Variants in ATXN7L1 observed in about 807,000 individuals in gnomAD.
The protein encoded by ATXN7L1 is ataxin-7-like protein 1.
In ATXN7L1, 15 loss-of-function variants were observed where a neutral mutation model predicts 70.8. That is an observed-to-expected ratio of 0.21 (90% CI 0.14 to 0.33). ATXN7L1 has a LOEUF of 0.33. Among genes scored for constraint, ATXN7L1 ranks in the 10% least tolerant of loss-of-function variants. The pLI, the probability that ATXN7L1 is intolerant of heterozygous loss-of-function variation, is 1.00. For missense variants in ATXN7L1, 975 were observed against 1,097.1 expected (o/e 0.89, Z 1.57); for synonymous variants, 440 against 445.1 (o/e 0.99, Z 0.14).
At chr7:105,853,333 G>A (rs922311918) in intron 2 of ATXN7L1, among the ~76,000 whole-genome samples, 9 of 150,514 alleles carry the variant, frequency 6.0e-5, no homozygotes, top group Non-Finnish European at 8.9e-5. Flanking sequence ...TAGATCACCT[G>A]ACTGAGGTCA....
chr7:105,832,905 A>G (rs546191675), intron 2 of ATXN7L1, among the ~76,000 whole-genome samples: 1 of 152,238 alleles, frequency 6.6e-6, no homozygotes, highest in South Asian at 2.1e-4. Flanking sequence ...ACAGCTGCTA[A>G]CCACATCCAT....
At chr7:105,829,604 A>G (rs1039654121) in intron 2 of ATXN7L1, among the ~76,000 whole-genome samples, 5 of 152,180 alleles carry the variant, frequency 3.3e-5, no homozygotes, top group African/African-American at 1.2e-4. Context: ...AAACACCCAC[A>G]AATATACACT....
intron 2 of ATXN7L1, among the ~76,000 whole-genome samples, chr7:105,837,740 C>G (rs954891170): frequency 6.6e-6 from 1 of 152,170 alleles, no homozygotes; most frequent in Non-Finnish European, 1.5e-5. Context: ...GCTTTACTGT[C>G]TCTGTGGAGG....
At chr7:105,672,648 C>A (rs1044594923) in intron 3 of ATXN7L1, among the ~76,000 whole-genome samples, 1 of 152,134 alleles carries the variant, frequency 6.6e-6, no homozygotes, top group South Asian at 2.1e-4. Context: ...GTTTTCAGAG[C>A]CCCTGTCTTA....
intron 4 of ATXN7L1, among the ~76,000 whole-genome samples, chr7:105,659,136 C>G (rs1263961093): frequency 6.7e-6 from 1 of 149,770 alleles, no homozygotes; most frequent in East Asian, 2.0e-4. Flanking sequence ...GACTCCGACT[C>G]AAAAAAAAAA....
Position 105,820,806 on chromosome 7 carries a change from G to C in ATXN7L1, c.251-32098C>G, listed in dbSNP as rs1378387085. Among the ~76,000 whole-genome samples the C allele has an allele frequency of 8.5e-5, 13 of 152,236 alleles. No homozygotes were observed. In the East Asian group the frequency reaches 2.3e-3, roughly 27 times the overall value. ...ATGAATGGTTTAGCACCATCGCCTT[G>C]GTGATAAGTGAGTTATCACTCAGTT... On this transcript the variant is annotated intron_variant, in intron 2 of 11. Transcript: ENST00000419735.
intron 2 of ATXN7L1, chr7:105,820,155 A>AAAAAAAAG (rs1314543607): frequency 3.6e-6 from 1 of 274,718 alleles, no homozygotes; most frequent in African/African-American, 2.4e-5. Context: ...AAAAAAAAAA[A>AAAAAAAAG]GCGTGGGCCT....
chr7:105,722,668 C>T (rs1231168175), intron 3 of ATXN7L1, among the ~76,000 whole-genome samples: 1 of 141,544 alleles, frequency 7.1e-6, no homozygotes, highest in Non-Finnish European at 1.5e-5. Context: ...TGCCTGAGGT[C>T]AGGAGTTCGA....
rs146545926 is a variant in ATXN7L1 at position 105,626,897 on chromosome 7, C to T, written c.1203-2630G>A. Among the ~76,000 whole-genome samples, 517 of 152,304 alleles carry T rather than the reference C, an allele frequency of 3.4e-3. 4 individuals carry two copies. The highest frequency in any genetic ancestry group is 0.012 in the African/African-American group (484 of 41,570). Reference sequence around the variant, plus strand: ...ATTTTAAAGCAAGAACTGGATCACACGATCACCCGGAACATGAAATGTGGG... The same window carrying T: ...ATTTTAAAGCAAGAACTGGATCACATGATCACCCGGAACATGAAATGTGGG... On this transcript the variant is annotated intron_variant, in intron 7 of 11. Coordinates refer to ENST00000419735, the MANE Select transcript of ATXN7L1 (RefSeq NM_020725.2).
chr7:105,808,741 T>G (rs1327409234), intron 2 of ATXN7L1, among the ~76,000 whole-genome samples: 1 of 152,234 alleles, frequency 6.6e-6, no homozygotes, highest in Non-Finnish European at 1.5e-5. Context: ...GACACAATTA[T>G]TTTTGCTGCT....
chr7:105,784,793 A>T (rs1202498490), intron 3 of ATXN7L1, among the ~76,000 whole-genome samples: 2 of 152,170 alleles, frequency 1.3e-5, no homozygotes, highest in Admixed American at 1.3e-4. Context: ...TTGCACAGTT[A>T]GTGGGGGAGT....
intron 8 of ATXN7L1, among the ~76,000 whole-genome samples, chr7:105,621,324 G>A (rs1214204069): frequency 6.6e-6 from 1 of 152,126 alleles, no homozygotes; most frequent in African/African-American, 2.4e-5. Context: ...TTCCCACTGT[G>A]AATTCCCATG....
intron 2 of ATXN7L1, among the ~76,000 whole-genome samples, chr7:105,857,111 CAATGCCCTG>C (rs1056071232): frequency 6.6e-6 from 1 of 152,184 alleles, no homozygotes; most frequent in Non-Finnish European, 1.5e-5. Flanking sequence ...CTTCCCTGTA[CAATGCCCTG>C]AATGTCCAAA....
intron 3 of ATXN7L1, among the ~76,000 whole-genome samples, chr7:105,764,100 C>T (rs770053288): frequency 7.2e-5 from 11 of 152,072 alleles, no homozygotes; most frequent in Admixed American, 2.6e-4. Context: ...GTGATCCACC[C>T]GCCTCAGCCT....
chr7:105,619,165 T>TTTTTTTTTTTTTTAA, intron 9 of ATXN7L1, among the ~76,000 whole-genome samples: 1 of 140,614 alleles, frequency 7.1e-6, no homozygotes, highest in Non-Finnish European at 1.5e-5. Context: ...TTTTTTTTTT[T>TTTTTTTTTTTTTTAA]GAGACGGAGT....
At chr7:105,657,195 TC>T (rs1247462023) in intron 4 of ATXN7L1, among the ~76,000 whole-genome samples, 1 of 152,272 alleles carries the variant, frequency 6.6e-6, no homozygotes, top group African/African-American at 2.4e-5. Context: ...ATGCAGGTCT[TC>T]CAGGTCTGTT....
chr7:105,727,809 T>C (rs1472460058), intron 3 of ATXN7L1, among the ~76,000 whole-genome samples: 1 of 131,634 alleles, frequency 7.6e-6, no homozygotes, highest in Non-Finnish European at 1.6e-5. Context: ...TATATGTATA[T>C]ATGAATATAA....
chr7:105,668,141 A>C (rs1802944041), intron 3 of ATXN7L1, among the ~76,000 whole-genome samples: 1 of 152,212 alleles, frequency 6.6e-6, no homozygotes, highest in Non-Finnish European at 1.5e-5. Flanking sequence ...ATGAAGGACA[A>C]AATAAATGTG....
chr7:105,618,112 A>C, intron 9 of ATXN7L1: 1 of 455,896 alleles, frequency 2.2e-6, no homozygotes, highest in Non-Finnish European at 4.4e-6. Context: ...GGAGGAAAGG[A>C]ATATGGAGCT....
Sources: allele counts gnomAD v4.1 joint callset (sites outside exome capture counted in the v4.1 genomes callset), GRCh38; gene constraint gnomAD v4.1.1; transcripts MANE v1.5; gene names NCBI Gene and HGNC (gene_info 2026-07-23, HGNC 2026-07-21).